FAM89A: variants seen among roughly 807,000 people sequenced by gnomAD.
FAM89A encodes the protein family with sequence similarity 89 member A.
A neutral mutation model predicts 7.1 loss-of-function variants in FAM89A; 10 were observed. The observed-to-expected ratio is 1.40, with a 90% CI of 0.86 to 2.38. The LOEUF (loss-of-function observed/expected upper bound fraction) is 2.38. Ranked by LOEUF, FAM89A falls within the 30% of genes most tolerant of loss-of-function variation. The probability of loss-of-function intolerance (pLI) is 0.00; values close to 1 mark genes in which losing one functional copy is unlikely to be tolerated. For missense variants in FAM89A, 276 were observed against 262.8 expected, an observed-to-expected ratio of 1.05 and a Z score of -0.35; for synonymous variants, 157 against 129.3, an observed-to-expected ratio of 1.21 and a Z score of -1.45.
At chr1:231,023,795 C>T (rs1004175743) in intron 1 of FAM89A, among the ~76,000 whole-genome samples, 13 of 152,184 alleles carry the variant, frequency 8.5e-5, no homozygotes, top group African/African-American at 3.1e-4. Context: ...TGTCTGCCCC[C>T]TGACTGGACA....
chr1:231,025,599 C>CTGCCT (rs1679956266), intron 1 of FAM89A, among the ~76,000 whole-genome samples: 1 of 151,944 alleles, frequency 6.6e-6, no homozygotes, highest in African/African-American at 2.4e-5. Flanking sequence ...ACTGCTTGCT[C>CTGCCT]TTTTTCTTGA....
chr1:231,031,749 G>A (rs1680073391), intron 1 of FAM89A, among the ~76,000 whole-genome samples: 1 of 152,146 alleles, frequency 6.6e-6, no homozygotes. Flanking sequence ...AGTTAGGTAA[G>A]TACTGTTTTG....
intron 1 of FAM89A, among the ~76,000 whole-genome samples, chr1:231,037,071 T>C (rs1030075271): frequency 6.6e-6 from 1 of 151,742 alleles, no homozygotes; most frequent in Non-Finnish European, 1.5e-5. Context: ...TATATATGTA[T>C]GTGTGTGTGT....
In FAM89A at chr1:231,019,760, G is replaced by A; in HGVS notation, c.*103C>T. The A allele has an allele frequency of 7.6e-7, 1 of 1,314,938 alleles. No homozygotes were observed. The highest frequency in any genetic ancestry group is 1.4e-5 in the South Asian group (1 of 69,758). 81.5% of individuals were successfully genotyped at this position (1,314,938 alleles called of 1,614,324 possible). ...GTAGCGCTCATCCCCTGTGCCCGAGGACCGTCCACAACGGAGGTGCTTTCT... is the reference window on the plus strand; with the variant it reads ...GTAGCGCTCATCCCCTGTGCCCGAGAACCGTCCACAACGGAGGTGCTTTCT... On this transcript the variant is annotated 3_prime_UTR_variant, in exon 2 of 2. Coordinates refer to ENST00000366654, the MANE Select transcript of FAM89A (RefSeq NM_198552.3).
At chr1:231,020,194 T>C (rs1679849252) in intron 1 of FAM89A, 68 bp from the exon 2 acceptor site, 3 of 1,471,048 alleles carry the variant, frequency 2.0e-6, no homozygotes, top group East Asian at 4.8e-5. Context: ...AGTGGAACAC[T>C]CAGCCGGCGA....
chr1:231,032,926 G>A (rs1280495999), intron 1 of FAM89A, among the ~76,000 whole-genome samples: 2 of 152,206 alleles, frequency 1.3e-5, no homozygotes, highest in Admixed American at 6.5e-5. Context: ...CTCAGAAAGC[G>A]CACACCTGCA....
rs1679821236 is a variant in FAM89A at position 231,018,997 on chromosome 1, T to G, written c.*866A>C. ...TTATCCTCATTTTTAACCTACAAAG[T>G]GTAATGTTCTCATAAAGTATTTTAA... On this transcript the variant is annotated 3_prime_UTR_variant, in exon 2 of 2. Coordinates refer to ENST00000366654, the MANE Select transcript of FAM89A (RefSeq NM_198552.3). 1 of 152,222 alleles carries G rather than the reference T, an allele frequency of 6.6e-6. No individual in the cohort carries two copies. The highest frequency in any genetic ancestry group is 1.5e-5 in the Non-Finnish European group (1 of 68,036). 9.4% of individuals were successfully genotyped at this position (152,222 alleles called of 1,614,324 possible). A position where few individuals can be genotyped will look rare whatever the true frequency, so the allele number is the denominator to read the frequency against.
intron 1 of FAM89A, among the ~76,000 whole-genome samples, chr1:231,025,367 G>T (rs1367072746): frequency 1.3e-5 from 2 of 152,126 alleles, no homozygotes; most frequent in African/African-American, 4.8e-5. Context: ...TATAAAATGG[G>T]GGATTTGGGC....
At chr1:231,024,328 T>C (rs149780375) in intron 1 of FAM89A, among the ~76,000 whole-genome samples, 68 of 152,188 alleles carry the variant, frequency 4.5e-4, no homozygotes, top group African/African-American at 1.5e-3. Flanking sequence ...CCACATAAGA[T>C]AGTATGGCTT....
chr1:231,021,810 T>C (rs1679884136), intron 1 of FAM89A: 4 of 1,602,042 alleles, frequency 2.5e-6, no homozygotes, highest in East Asian at 2.2e-5. Context: ...AATGACTCTG[T>C]TGTGATTGTT....
intron 1 of FAM89A, among the ~76,000 whole-genome samples, chr1:231,025,211 C>T (rs1456253119): frequency 3.9e-5 from 6 of 151,996 alleles, no homozygotes; most frequent in East Asian, 1.9e-4. Context: ...CGTGAGCCAC[C>T]GTGCCCGGCC....
chr1:231,034,861 G>C (rs904325098), intron 1 of FAM89A, among the ~76,000 whole-genome samples: 2 of 152,196 alleles, frequency 1.3e-5, no homozygotes, highest in Admixed American at 6.5e-5. Flanking sequence ...TCTGCATTTG[G>C]GCAAGCAGCC....
chr1:231,032,814 T>C (rs1201798354), intron 1 of FAM89A, among the ~76,000 whole-genome samples: 2 of 152,166 alleles, frequency 1.3e-5, no homozygotes, highest in Non-Finnish European at 2.9e-5. Flanking sequence ...CCCCAACAAT[T>C]ACCCGCTGAC....
At chr1:231,024,687 C>T (rs1348431526) in intron 1 of FAM89A, among the ~76,000 whole-genome samples, 2 of 151,974 alleles carry the variant, frequency 1.3e-5, no homozygotes, top group Non-Finnish European at 2.9e-5. Context: ...CAGGTGCATA[C>T]CACCATGCCT....
At chr1:231,032,073 C>G (rs964311190) in intron 1 of FAM89A, among the ~76,000 whole-genome samples, 1 of 152,170 alleles carries the variant, frequency 6.6e-6, no homozygotes, top group Non-Finnish European at 1.5e-5. Context: ...TCAATTTGGA[C>G]TACTTTTCAT....
chr1:231,033,326 A>C (rs893366099), intron 1 of FAM89A, among the ~76,000 whole-genome samples: 2 of 152,226 alleles, frequency 1.3e-5, no homozygotes, highest in African/African-American at 4.8e-5. Context: ...GGTTTCCTCC[A>C]CAGCATTATG....
intron 1 of FAM89A, among the ~76,000 whole-genome samples, chr1:231,038,101 A>T (rs1680190460): frequency 6.6e-6 from 1 of 152,238 alleles, no homozygotes; most frequent in East Asian, 1.9e-4. Flanking sequence ...AAAAGCCGAA[A>T]GATTCTCTGG....
intron 1 of FAM89A, chr1:231,021,578 T>C (rs1313025264): frequency 7.8e-6 from 10 of 1,276,422 alleles, no homozygotes; most frequent in African/African-American, 1.5e-5. Flanking sequence ...CACTTCCTTT[T>C]CTGTTAGGAA....
intron 1 of FAM89A, among the ~76,000 whole-genome samples, chr1:231,023,076 G>GCCC (rs1558254117): frequency 6.6e-6 from 1 of 152,092 alleles, no homozygotes; most frequent in South Asian, 2.1e-4. Flanking sequence ...CCTAACATCT[G>GCCC]CCCCCCGTGT....
Sources: gnomAD v4.1 joint callset for allele counts (sites outside exome capture counted in the v4.1 genomes callset) on GRCh38, gnomAD v4.1.1 for gene constraint, MANE v1.5 for transcripts, NCBI Gene and HGNC (gene_info 2026-07-23, HGNC 2026-07-21) for gene names.